The following RNGTT variants were observed in gnomAD, a reference collection of about 807,000 sequenced individuals.
The protein encoded by RNGTT is RNA guanylyltransferase and 5'-phosphatase.
Under a neutral mutation model 79.3 loss-of-function variants are expected in RNGTT, and 33 were observed. The ratio of observed to expected loss-of-function variants is 0.42; its 90% CI spans 0.32 to 0.56. The LOEUF is 0.56. RNGTT is among the 20% of genes least tolerant of loss of function. The pLI, the probability that RNGTT is intolerant of heterozygous loss-of-function variation, is 0.17. For missense variants in RNGTT, 497 were observed against 739.1 expected (o/e 0.67, Z 3.80); for synonymous variants, 222 against 235.9 (o/e 0.94, Z 0.54).
rs142754434 is a variant in RNGTT at position 88,797,257 on chromosome 6, G to A, written c.1338+4307C>T. On this transcript the variant is annotated intron_variant, in intron 12 of 15. Coordinates refer to ENST00000369485, the MANE Select transcript of RNGTT (RefSeq NM_003800.5). ...CAATAAAAAATTTGGGGCTAAGTCA[G>A]AGCCATAAAATTGTAGAACAGATTA... Among the ~76,000 whole-genome samples, 313 of 152,176 alleles carry A rather than the reference G, an allele frequency of 2.1e-3. 3 individuals carry two copies. The highest frequency in any genetic ancestry group is 7.4e-3 in the African/African-American group (306 of 41,528).
intron 14 of RNGTT, among the ~76,000 whole-genome samples, chr6:88,623,562 T>A (rs1273658679): frequency 6.6e-6 from 1 of 152,054 alleles, no homozygotes. Flanking sequence ...TCTTAGTATA[T>A]GTGTTTCTTC....
chr6:88,613,785 TA>T (rs1417273810), intron 15 of RNGTT, among the ~76,000 whole-genome samples: 4 of 152,232 alleles, frequency 2.6e-5, no homozygotes, highest in African/African-American at 9.6e-5. Context: ...AAAGCATTCA[TA>T]TTGTACCCAA....
At chr6:88,656,235 T>C (rs1417814027) in intron 14 of RNGTT, among the ~76,000 whole-genome samples, 6 of 152,186 alleles carry the variant, frequency 3.9e-5, no homozygotes, top group African/African-American at 1.4e-4. Context: ...TCCCAGTACA[T>C]TTAGAAATTT....
At chr6:88,881,296 G>T (rs1055543569) in intron 8 of RNGTT, among the ~76,000 whole-genome samples, 3 of 152,124 alleles carry the variant, frequency 2.0e-5, no homozygotes, top group African/African-American at 7.2e-5. Flanking sequence ...GTTTAACTCT[G>T]AAAGTGGGGG....
rs71024314 is a variant in RNGTT, at chr6:88,901,495, C to CTTTTTTTTTTTT, written c.684+3208_684+3219dup. Among the ~76,000 whole-genome samples the CTTTTTTTTTTTT allele has an allele frequency of 8.1e-4, 53 of 65,810 alleles. 8 individuals carry two copies. The highest frequency in any genetic ancestry group is 1.7e-3 in the African/African-American group (24 of 14,058). 43.2% of individuals were successfully genotyped at this position (65,810 alleles called of 152,430 possible). On this transcript the variant is annotated intron_variant, in intron 6 of 15. Coordinates refer to ENST00000369485, the MANE Select transcript of RNGTT (RefSeq NM_003800.5). The stretch of plus-strand genomic sequence containing the variant: ...AAAAATAACTGTCAAGCACCCTGAT[C>CTTTTTTTTTTTT]TTTTTTTTTTTTTTTTTTTTTTTTT...
At chr6:88,800,077 G>A (rs1404408420) in intron 12 of RNGTT, among the ~76,000 whole-genome samples, 3 of 152,128 alleles carry the variant, frequency 2.0e-5, no homozygotes, top group Non-Finnish European at 4.4e-5. Flanking sequence ...GGCAAGGGGG[G>A]CTAGAAGACA....
intron 14 of RNGTT, among the ~76,000 whole-genome samples, chr6:88,641,489 T>C (rs1054306977): frequency 1.3e-5 from 2 of 152,174 alleles, no homozygotes; most frequent in African/African-American, 2.4e-5. Context: ...AATAGAGGAA[T>C]GTGGATTATA....
intron 11 of RNGTT, among the ~76,000 whole-genome samples, chr6:88,836,023 C>CACACACACAT (rs1554222128): frequency 2.2e-5 from 2 of 92,094 alleles, no homozygotes; most frequent in African/African-American, 3.2e-5. Context: ...CACACACACA[C>CACACACACAT]ATATATATAT....
intron 13 of RNGTT, among the ~76,000 whole-genome samples, chr6:88,757,814 T>A (rs1188471292): frequency 6.6e-6 from 1 of 152,212 alleles, no homozygotes; most frequent in Non-Finnish European, 1.5e-5. Context: ...CTATAAGTTT[T>A]GACAGGCCAA....
At chr6:88,802,473 A>G (rs1016934290) in intron 11 of RNGTT, among the ~76,000 whole-genome samples, 1 of 152,224 alleles carries the variant, frequency 6.6e-6, no homozygotes, top group Non-Finnish European at 1.5e-5. Flanking sequence ...CTCAACATGT[A>G]TATCACTGAT....
intron 14 of RNGTT, among the ~76,000 whole-genome samples, chr6:88,641,405 A>G (rs1773316957): frequency 6.6e-6 from 1 of 152,144 alleles, no homozygotes; most frequent in Non-Finnish European, 1.5e-5. Flanking sequence ...ATTATATACC[A>G]TAAACACTCA....
At chr6:88,728,984 G>C (rs1440103197) in intron 13 of RNGTT, among the ~76,000 whole-genome samples, 1 of 152,162 alleles carries the variant, frequency 6.6e-6, no homozygotes. Flanking sequence ...CTTTCCACTA[G>C]GGTGGTCCTC....
intron 6 of RNGTT, among the ~76,000 whole-genome samples, chr6:88,899,418 C>T (rs1242313228): frequency 1.3e-5 from 2 of 152,064 alleles, no homozygotes; most frequent in Non-Finnish European, 2.9e-5. Context: ...GCTGAGACTA[C>T]AAGTGCACAC....
Position 88,941,146 on chromosome 6 carries a change from T to C in RNGTT, c.99A>G (p.Pro33=). 6.2e-7 allele frequency: 1 copy of C among 1,612,986 alleles called. No individual in the cohort carries two copies. Among genetic ancestry groups the C allele is most frequent in the South Asian group, 1.1e-5 (1 of 91,006 alleles). The change falls in exon 2 of 16, where the codon CCA becomes CCG. Residue 33 remains proline, a synonymous_variant. Coordinates refer to ENST00000369485, the MANE Select transcript of RNGTT (RefSeq NM_003800.5). ...CTTCAGCAACTTGACTATCATATCT[T>C]GGTCCTAACATTGTCTTCAGAGGTA... is the stretch of plus-strand genomic sequence containing the variant. The part of the protein sequence containing the change: ...RFLPLKTMLG[P]RYDSQVAEEN...
At chr6:88,809,156 C>A (rs1021117362) in intron 11 of RNGTT, among the ~76,000 whole-genome samples, 16 of 151,972 alleles carry the variant, frequency 1.1e-4, no homozygotes, top group African/African-American at 3.4e-4. Flanking sequence ...GAAAACAATA[C>A]ATACTGACAA....
intron 12 of RNGTT, among the ~76,000 whole-genome samples, chr6:88,787,256 G>A (rs1434586267): frequency 6.6e-6 from 1 of 152,120 alleles, no homozygotes; most frequent in African/African-American, 2.4e-5. Flanking sequence ...ATATGATAAA[G>A]AAAAAAGTAA....
At chr6:88,817,749 ATTTTTTTTTTTT>A (rs71554802) in intron 11 of RNGTT, among the ~76,000 whole-genome samples, 8 of 71,558 alleles carry the variant, frequency 1.1e-4, no homozygotes, top group Admixed American at 5.4e-4. Flanking sequence ...TATTCACATC[ATTTTTTTTTTTT>A]TTTTTTTTTT....
intron 13 of RNGTT, among the ~76,000 whole-genome samples, chr6:88,695,346 A>T (rs1775625246): frequency 6.6e-6 from 1 of 152,162 alleles, no homozygotes; most frequent in Non-Finnish European, 1.5e-5. Context: ...AAAATGGGCA[A>T]AGAACTTGAA....
intron 1 of RNGTT, among the ~76,000 whole-genome samples, chr6:88,943,828 T>C (rs908508756): frequency 2.0e-5 from 3 of 152,164 alleles, no homozygotes; most frequent in African/African-American, 4.8e-5. Context: ...GTAAATACCC[T>C]TAACCTCCTT....
Sources: allele counts gnomAD v4.1 joint callset (sites outside exome capture counted in the v4.1 genomes callset), GRCh38; gene constraint gnomAD v4.1.1; transcripts MANE v1.5; gene names NCBI Gene and HGNC (gene_info 2026-07-23, HGNC 2026-07-21).